Variants in NELL2 observed in about 807,000 individuals in gnomAD.
NELL2 encodes the protein neural EGFL like 2, also known as protein kinase C-binding protein NELL2.
In NELL2, 41 loss-of-function variants were observed where a neutral mutation model predicts 109.6. The observed-to-expected ratio is 0.37, with a 90% CI of 0.29 to 0.49. The LOEUF (loss-of-function observed/expected upper bound fraction) is 0.49, where lower values mean the gene tolerates loss of function less well. Ranked by LOEUF, NELL2 falls within the 20% of genes least tolerant of loss-of-function variation. The probability of loss-of-function intolerance (pLI) is 0.98; values close to 1 mark genes in which losing one functional copy is unlikely to be tolerated. For missense variants in NELL2, 900 were observed against 1,008.3 expected, an observed-to-expected ratio of 0.89 and a Z score of 1.45; for synonymous variants, 355 against 344.7, an observed-to-expected ratio of 1.03 and a Z score of -0.33.
chr12:44,817,291 A>G (rs891933781), intron 2 of NELL2, among the ~76,000 whole-genome samples: 1 of 152,200 alleles, frequency 6.6e-6, no homozygotes, highest in African/African-American at 2.4e-5. Context: ...CAGAAATTAT[A>G]AAATTAATCC....
At chr12:44,902,801 G>A (rs1354157841) in intron 1 of NELL2, among the ~76,000 whole-genome samples, 9 of 152,180 alleles carry the variant, frequency 5.9e-5, no homozygotes, top group South Asian at 4.1e-4. Context: ...AAGCAATGGG[G>A]AAAGGATTCC....
intron 15 of NELL2, among the ~76,000 whole-genome samples, chr12:44,555,452 A>G (rs1943215509): frequency 6.6e-6 from 1 of 152,150 alleles, no homozygotes; most frequent in Non-Finnish European, 1.5e-5. Context: ...ATTGAGTGGA[A>G]GAATAACATT....
At chr12:44,513,849 C>G (rs1306230101) in intron 19 of NELL2, among the ~76,000 whole-genome samples, 3 of 149,042 alleles carry the variant, frequency 2.0e-5, no homozygotes, top group African/African-American at 7.4e-5. Flanking sequence ...ATGTGGCAGA[C>G]AAAATATGTG....
intron 2 of NELL2, among the ~76,000 whole-genome samples, chr12:44,867,422 T>C (rs936906682): frequency 6.6e-6 from 1 of 152,148 alleles, no homozygotes; most frequent in African/African-American, 2.4e-5. Flanking sequence ...TTTGACAAAA[T>C]TCAACATCAT....
chr12:44,642,055 C>T (rs1946878522), intron 13 of NELL2, among the ~76,000 whole-genome samples: 1 of 152,050 alleles, frequency 6.6e-6, no homozygotes, highest in African/African-American at 2.4e-5. Context: ...ACAATATTTC[C>T]TTCCTTGCCC....
intron 1 of NELL2, among the ~76,000 whole-genome samples, chr12:44,894,995 G>A (rs1945576956): frequency 1.3e-5 from 2 of 152,096 alleles, no homozygotes; most frequent in South Asian, 2.1e-4. Context: ...CTTAATATGC[G>A]ACAAGTTGCT....
chr12:44,564,128 T>C (rs1312307108), intron 15 of NELL2, among the ~76,000 whole-genome samples: 2 of 152,216 alleles, frequency 1.3e-5, no homozygotes, highest in African/African-American at 4.8e-5. Flanking sequence ...GATGAAAGGA[T>C]ATGACAGTTG....
At chr12:44,601,282 G>C (rs941574066) in intron 15 of NELL2, among the ~76,000 whole-genome samples, 2 of 152,052 alleles carry the variant, frequency 1.3e-5, no homozygotes, top group African/African-American at 4.8e-5. Flanking sequence ...CTGATATATA[G>C]AGTGAGTTAG....
intron 3 of NELL2, among the ~76,000 whole-genome samples, chr12:44,794,163 T>C (rs912987960): frequency 5.9e-4 from 90 of 152,208 alleles, no homozygotes; most frequent in African/African-American, 2.0e-3. Flanking sequence ...CTCCTAGTAA[T>C]AGTAAGCTAC....
chr12:44,650,781 T>C lies in NELL2; in HGVS notation c.1444+14703A>G, dbSNP rs575818386. 1.5e-4 allele frequency among the ~76,000 whole-genome samples: 21 copies of C among 138,258 alleles called. No individual in the cohort carries two copies. The East Asian group carries it at 1.8e-3, about 12-fold the overall frequency. 90.7% of individuals were successfully genotyped at this position (138,258 alleles called of 152,430 possible). A position where few individuals can be genotyped will look rare whatever the true frequency, so the allele number is the denominator to read the frequency against. On this transcript the variant is annotated intron_variant, in intron 13 of 19. Transcript: ENST00000429094. The stretch of plus-strand genomic sequence containing the variant: ...TTTCTTTCTTTCTTTCTTTCTTTCT[T>C]TCTTTGCCTGCTCCTAAAGGCCACA...
chr12:44,909,908 G>A (rs1009262176), intron 1 of NELL2, among the ~76,000 whole-genome samples: 11 of 151,810 alleles, frequency 7.2e-5, no homozygotes, highest in Non-Finnish European at 1.5e-4. Flanking sequence ...AAATGGTGCT[G>A]GAATAGCTGT....
intron 12 of NELL2, among the ~76,000 whole-genome samples, chr12:44,698,133 G>C (rs1399491758): frequency 6.6e-6 from 1 of 151,998 alleles, no homozygotes; most frequent in Non-Finnish European, 1.5e-5. Context: ...ACTGGAATAG[G>C]GTGTCACCCT....
chr12:44,601,956 G>C (rs1350857049), intron 15 of NELL2, among the ~76,000 whole-genome samples: 1 of 152,114 alleles, frequency 6.6e-6, no homozygotes, highest in Non-Finnish European at 1.5e-5. Flanking sequence ...GAGAACTGGG[G>C]TTTGGCATAA....
rs1414748660 is a variant in NELL2, at chr12:44,508,898, T to G, written c.*36A>C. 2 of 1,577,026 alleles carry G rather than the reference T, an allele frequency of 1.3e-6. No individual in the cohort carries two copies. Among genetic ancestry groups the G allele is most frequent in the Non-Finnish European group, 8.7e-7 (1 of 1,155,656 alleles). On this transcript the variant is annotated 3_prime_UTR_variant, in exon 20 of 20. Coordinates refer to ENST00000429094, the MANE Select transcript of NELL2 (RefSeq NM_001145108.2). ...TTTTTGGTCTTTTAATGAAAGAACA[T>G]TCTTTTAACAGAAATCTCCCATGAG...
At chr12:44,753,316 C>G (rs961426895) in intron 9 of NELL2, among the ~76,000 whole-genome samples, 2 of 152,198 alleles carry the variant, frequency 1.3e-5, no homozygotes, top group Non-Finnish European at 2.9e-5. Flanking sequence ...CTATCACTTT[C>G]ATTCCCTACC....
At chr12:44,673,030 A>C (rs1030860842) in intron 12 of NELL2, among the ~76,000 whole-genome samples, 1 of 152,224 alleles carries the variant, frequency 6.6e-6, no homozygotes, top group Non-Finnish European at 1.5e-5. Flanking sequence ...AAGAGATCTA[A>C]AGTGTCAGCC....
intron 1 of NELL2, among the ~76,000 whole-genome samples, chr12:44,912,756 C>T (rs1945794002): frequency 6.6e-6 from 1 of 152,102 alleles, no homozygotes; most frequent in African/African-American, 2.4e-5. Context: ...ATAGTAGTTT[C>T]CTACTAAGTT....
chr12:44,547,276 G>T (rs949116603), intron 15 of NELL2, among the ~76,000 whole-genome samples: 3 of 152,186 alleles, frequency 2.0e-5, no homozygotes, highest in African/African-American at 7.2e-5. Flanking sequence ...GCATTAAGCT[G>T]CTAGAGCACA....
chr12:44,659,686 T>C (rs1592284965), intron 13 of NELL2, among the ~76,000 whole-genome samples: 1 of 152,056 alleles, frequency 6.6e-6, no homozygotes. Flanking sequence ...CACAAAAAGA[T>C]AATAAAATAT....
Sources: gnomAD v4.1 joint callset for allele counts (sites outside exome capture counted in the v4.1 genomes callset) on GRCh38, gnomAD v4.1.1 for gene constraint, MANE v1.5 for transcripts, NCBI Gene and HGNC (gene_info 2026-07-23, HGNC 2026-07-21) for gene names.